The following CREB1 variants were observed in gnomAD, a reference collection of about 807,000 sequenced individuals.
CREB1 encodes cAMP responsive element binding protein 1.
A neutral mutation model predicts 42.0 loss-of-function variants in CREB1; 2 were observed. That is an observed-to-expected ratio of 0.05 (90% CI 0.02 to 0.15). The LOEUF (loss-of-function observed/expected upper bound fraction) is 0.15, where lower values mean the gene tolerates loss of function less well. CREB1 is among the 10% of genes least tolerant of loss of function. The probability of loss-of-function intolerance (pLI) is 1.00; values close to 1 mark genes in which losing one functional copy is unlikely to be tolerated. For missense variants in CREB1, 199 were observed against 388.9 expected (o/e 0.51, Z 4.11); for synonymous variants, 123 against 139.9 (o/e 0.88, Z 0.85).
At position 207,598,190 on chromosome 2, in the gene CREB1, A is replaced by G. The variant is rs2086481963; in HGVS notation, c.*1132A>G. 5.5e-6 allele frequency: 1 copy of G among 182,054 alleles called. No individual in the cohort carries two copies. Among genetic ancestry groups the G allele is most frequent in the African/African-American group, 2.4e-5 (1 of 42,542 alleles). The allele number at this position is 182,054 out of a possible 1,614,324, so 11.3% of individuals were successfully genotyped here. On this transcript the variant is annotated 3_prime_UTR_variant, in exon 8 of 8. Coordinates refer to ENST00000353267, the MANE Select transcript of CREB1 (RefSeq NM_004379.5). Reference sequence around the variant, plus strand: ...TAAATGAAAGAAGTTGTAAGGATATAAAAAGTACAGTGTTAGATGTGCACA... The same window carrying G: ...TAAATGAAAGAAGTTGTAAGGATATGAAAAGTACAGTGTTAGATGTGCACA...
chr2:207,560,131 C>T, intron 2 of CREB1, 95 bp from the exon 3 acceptor site: 1 of 1,126,682 alleles, frequency 8.9e-7, no homozygotes, highest in South Asian at 2.6e-5. Flanking sequence ...GCAAAAAGGT[C>T]ACGTTTTTGC....
intron 1 of CREB1, among the ~76,000 whole-genome samples, chr2:207,534,376 A>G (rs980862933): frequency 2.0e-5 from 3 of 152,180 alleles, no homozygotes; most frequent in Non-Finnish European, 4.4e-5. Context: ...AGCTGGAACT[A>G]CAGGCATGCA....
Position 207,582,194 on chromosome 2 carries a change from A to G in CREB1, c.839+4539A>G, listed in dbSNP as rs955083897. On this transcript the variant is annotated intron_variant, in intron 7 of 7. Coordinates refer to ENST00000353267, the MANE Select transcript of CREB1 (RefSeq NM_004379.5). ...GAGAATATGAAAGAAATTTGTGGTC[A>G]TATGTTAAAACCACCACAGTAATTA... The G allele has an allele frequency of 8.5e-6, 6 of 702,884 alleles. No homozygotes were observed. The African/African-American group carries it at 1.0e-4, about 12-fold the overall frequency. 43.5% of individuals were successfully genotyped at this position (702,884 alleles called of 1,614,324 possible).
At chr2:207,556,118 A>G (rs938786924) in intron 2 of CREB1, among the ~76,000 whole-genome samples, 7 of 152,172 alleles carry the variant, frequency 4.6e-5, no homozygotes, top group African/African-American at 1.7e-4. Flanking sequence ...AATGCAGATA[A>G]TATGAAAGCC....
chr2:207,594,961 A>G (rs1005398962), intron 7 of CREB1, among the ~76,000 whole-genome samples: 3 of 130,712 alleles, frequency 2.3e-5, no homozygotes, highest in Non-Finnish European at 5.0e-5. Context: ...TTTGATTTGC[A>G]TTTCCCTAGT....
Position 207,602,554 on chromosome 2 carries a change from A to C in CREB1, c.*5496A>C, listed in dbSNP as rs1241509787. 4.7e-6 allele frequency: 1 copy of C among 211,046 alleles called. No individual in the cohort carries two copies. The highest frequency in any genetic ancestry group is 7.1e-5 in the East Asian group (1 of 14,078). The allele number at this position is 211,046 out of a possible 1,614,324, so 13.1% of individuals were successfully genotyped here. ...GGAGCATCTCAGAGAAGTGAGAGTAAATCTGAGTTAGCTTAAAAATTGGTA... is the reference window on the plus strand; with the variant it reads ...GGAGCATCTCAGAGAAGTGAGAGTACATCTGAGTTAGCTTAAAAATTGGTA... On this transcript the variant is annotated 3_prime_UTR_variant, in exon 8 of 8. Coordinates refer to ENST00000353267, the MANE Select transcript of CREB1 (RefSeq NM_004379.5).
chr2:207,530,632 G>T (rs1184178656), intron 1 of CREB1, among the ~76,000 whole-genome samples: 1 of 149,838 alleles, frequency 6.7e-6, no homozygotes, highest in Admixed American at 6.6e-5. Context: ...GGGCCTCCGG[G>T]GCAGCCGCCG....
In CREB1 at chr2:207,598,359, G is replaced by A. The variant is rs375850822; in HGVS notation, c.*1301G>A. The A allele has an allele frequency of 5.5e-6, 1 of 182,900 alleles. No individual in the cohort carries two copies. The highest frequency in any genetic ancestry group is 2.4e-5 in the African/African-American group (1 of 42,470). The allele number at this position is 182,900 out of a possible 1,614,324, so 11.3% of individuals were successfully genotyped here. A position where few individuals can be genotyped will look rare whatever the true frequency, so the allele number is the denominator to read the frequency against. On this transcript the variant is annotated 3_prime_UTR_variant, in exon 8 of 8. Coordinates refer to ENST00000353267, the MANE Select transcript of CREB1 (RefSeq NM_004379.5). ...CTTTCCAATATGCTGTATAGCCTTTGTCATTTTATAATTTTAATTCCTGAT... is the reference window on the plus strand; with the variant it reads ...CTTTCCAATATGCTGTATAGCCTTTATCATTTTATAATTTTAATTCCTGAT...
chr2:207,565,689 G>A lies in CREB1; in HGVS notation c.262-1774G>A, dbSNP rs904898259. On this transcript the variant is annotated intron_variant, in intron 3 of 7. Coordinates refer to ENST00000353267, the MANE Select transcript of CREB1 (RefSeq NM_004379.5). ...CACTATATGTCCTTAAGAGAAGCAT[G>A]TAAGGATGGGGCATATGAGAGTCAA... 2.6e-5 allele frequency among the ~76,000 whole-genome samples: 4 copies of A among 152,130 alleles called. No individual in the cohort carries two copies. In the South Asian group the frequency reaches 6.2e-4, roughly 24 times the overall value.
chr2:207,578,624 T>A (rs2106586944), intron 7 of CREB1, among the ~76,000 whole-genome samples: 1 of 152,338 alleles, frequency 6.6e-6, no homozygotes, highest in African/African-American at 2.4e-5. Context: ...TGTAGTGCTC[T>A]GTTGAAATGG....
intron 1 of CREB1, among the ~76,000 whole-genome samples, chr2:207,545,372 T>C (rs1016570479): frequency 3.9e-5 from 6 of 152,048 alleles, no homozygotes; most frequent in African/African-American, 1.4e-4. Context: ...CATGCCCGGC[T>C]AATTTTTGTA....
chr2:207,589,917 G>C (rs374862429), intron 7 of CREB1, among the ~76,000 whole-genome samples: 1 of 152,154 alleles, frequency 6.6e-6, no homozygotes, highest in African/African-American at 2.4e-5. Flanking sequence ...TTTCTTTGCC[G>C]TGAGTTTGTT....
chr2:207,595,586 A>G (rs889631288), intron 7 of CREB1, among the ~76,000 whole-genome samples: 42 of 151,864 alleles, frequency 2.8e-4, no homozygotes, highest in African/African-American at 9.9e-4. Flanking sequence ...TAATTGAGAC[A>G]GGTTCTTGGT....
chr2:207,551,400 TTAA>T (rs1182412403), intron 1 of CREB1, among the ~76,000 whole-genome samples: 2 of 152,232 alleles, frequency 1.3e-5, no homozygotes, highest in Admixed American at 6.5e-5. Context: ...AAAGGGACTG[TTAA>T]TTAACTGTTT....
intron 1 of CREB1, among the ~76,000 whole-genome samples, chr2:207,551,396 A>G (rs955257221): frequency 1.3e-5 from 2 of 152,220 alleles, no homozygotes; most frequent in African/African-American, 2.4e-5. Flanking sequence ...AAGCAAAGGG[A>G]CTGTTAATTA....
intron 6 of CREB1, chr2:207,577,062 A>G (rs2082626306): frequency 1.0e-6 from 1 of 957,678 alleles, no homozygotes; most frequent in Admixed American, 5.9e-5. Context: ...CTTCTTTTTC[A>G]TTTTGCTATT....
rs530998587 is a variant in CREB1, at chr2:207,579,038, G to A, written c.839+1383G>A. On this transcript the variant is annotated intron_variant, in intron 7 of 7. Transcript: ENST00000353267. The stretch of plus-strand genomic sequence containing the variant: ...CTTGACCTTGTGATCCACCCTCCTC[G>A]GACTTCCAAAGTGCTGGGATTACAG... Among the ~76,000 whole-genome samples, 4 of 152,048 alleles carry A rather than the reference G, an allele frequency of 2.6e-5. 1 individual carries two copies. In the South Asian group the frequency reaches 8.3e-4, roughly 32 times the overall value.
At chr2:207,550,989 T>TA (rs894068761) in intron 1 of CREB1, among the ~76,000 whole-genome samples, 6 of 152,230 alleles carry the variant, frequency 3.9e-5, no homozygotes, top group African/African-American at 1.4e-4. Context: ...GTGGCTATTA[T>TA]CGTTTACCTT....
intron 7 of CREB1, among the ~76,000 whole-genome samples, chr2:207,587,497 A>G (rs2084098031): frequency 1.3e-5 from 2 of 152,346 alleles, no homozygotes; most frequent in South Asian, 2.1e-4. Flanking sequence ...AAAGGAAACC[A>G]GTATTGCATC....
Sources: allele counts gnomAD v4.1 joint callset (sites outside exome capture counted in the v4.1 genomes callset), GRCh38; gene constraint gnomAD v4.1.1; transcripts MANE v1.5; gene names NCBI Gene and HGNC (gene_info 2026-07-23, HGNC 2026-07-21).